BUB3: variants seen among roughly 807,000 people sequenced by gnomAD.
BUB3 encodes the protein mitotic checkpoint protein BUB3.
A neutral mutation model predicts 39.9 loss-of-function variants in BUB3; 22 were observed. The ratio of observed to expected loss-of-function variants is 0.55; its 90% CI spans 0.39 to 0.79. The LOEUF (loss-of-function observed/expected upper bound fraction) is 0.79. BUB3 is among the 30% of genes least tolerant of loss of function. The pLI, the probability that BUB3 is intolerant of heterozygous loss-of-function variation, is 0.00. For synonymous variants in BUB3, 168 were observed against 155.1 expected (o/e 1.08, Z -0.62); for missense variants, 303 against 415.4 (o/e 0.73, Z 2.35).
rs1844465712 is a variant in BUB3 at position 123,164,657 on chromosome 10, T to G, written c.*822T>G. ...TCTCTAAATGAATTTTTGGAAACATTAATGAGGTTTACATATTTCTCTGAC... is the reference window on the plus strand; with the variant it reads ...TCTCTAAATGAATTTTTGGAAACATGAATGAGGTTTACATATTTCTCTGAC... On this transcript the variant is annotated 3_prime_UTR_variant, in exon 8 of 8. Coordinates refer to ENST00000368865, the MANE Select transcript of BUB3 (RefSeq NM_004725.4). 1.0e-6 allele frequency: 1 copy of G among 998,976 alleles called. No homozygotes were observed. Among genetic ancestry groups the G allele is most frequent in the Non-Finnish European group, 1.2e-6 (1 of 838,916 alleles). The allele number at this position is 998,976 out of a possible 1,614,324, so 61.9% of individuals were successfully genotyped here. A position where few individuals can be genotyped will look rare whatever the true frequency, so the allele number is the denominator to read the frequency against.
At chr10:123,162,152 T>TAA in intron 5 of BUB3, 84 bp from the exon 6 acceptor site, 1 of 1,197,202 alleles carries the variant, frequency 8.4e-7, no homozygotes, top group Non-Finnish European at 1.2e-6. Context: ...AATCACTCTT[T>TAA]AGTGTGGGTT....
intron 7 of BUB3, among the ~76,000 whole-genome samples, chr10:123,163,428 G>C (rs2133571215): frequency 6.6e-6 from 1 of 152,212 alleles, no homozygotes; most frequent in Non-Finnish European, 1.5e-5. Flanking sequence ...CCTCTACCAG[G>C]CTTTAAGGGA....
chr10:123,159,840 A>T (rs1050384892), intron 4 of BUB3, among the ~76,000 whole-genome samples: 2 of 152,218 alleles, frequency 1.3e-5, no homozygotes, highest in Admixed American at 6.5e-5. Flanking sequence ...GCTGCTAAAC[A>T]TCTAATTAGT....
chr10:123,160,440 A>G lies in BUB3; in HGVS notation c.451A>G (p.Ile151Val). The change falls in exon 5 of 8, where the codon ATT becomes GTT. Residue 151 changes from isoleucine (I) to valine (V), a missense_variant. Physicochemically the swap from Ile to Val is conservative, Grantham distance 29. This residue lies in a region of BUB3 where 182 missense variants were observed against 293.1 expected (regional missense o/e 0.62). Transcript: ENST00000368865. Reference protein sequence around the residue: ...YTLSVSGDRLIVGTAGRRVLV... With the variant: ...YTLSVSGDRLVVGTAGRRVLV... ...CCTCTCAGTGTCTGGAGACCGGCTGATTGTGGGAACAGCAGGCCGCAGAGT... is the reference window on the plus strand; with the variant it reads ...CCTCTCAGTGTCTGGAGACCGGCTGGTTGTGGGAACAGCAGGCCGCAGAGT... The G allele has an allele frequency of 1.2e-6, 2 of 1,611,946 alleles. No individual in the cohort carries two copies. Among genetic ancestry groups the G allele is most frequent in the South Asian group, 1.1e-5 (1 of 90,688 alleles).
chr10:123,155,526 TG>T, intron 2 of BUB3, 131 bp from the exon 3 acceptor site: 1 of 788,498 alleles, frequency 1.3e-6, no homozygotes, highest in South Asian at 1.7e-5. Flanking sequence ...TGCTGTTTTT[TG>T]GTTTGTTTAC....
In BUB3 at chr10:123,157,949, T is replaced by G. The variant is rs555630197; in HGVS notation, c.417+69T>G. ...GATTTTTGTCTTGGTGCATGATTGT[T>G]GACTATGCTTGTTGAATTTAAAGGT... On this transcript the variant is annotated intron_variant, in intron 4 of 7. Coordinates refer to ENST00000368865, the MANE Select transcript of BUB3 (RefSeq NM_004725.4). The G allele has an allele frequency of 6.3e-6, 9 of 1,422,598 alleles. No individual in the cohort carries two copies. In the Admixed American group the frequency reaches 2.2e-4, roughly 34 times the overall value. The allele number at this position is 1,422,598 out of a possible 1,614,324, so 88.1% of individuals were successfully genotyped here.
chr10:123,155,395 C>T (rs894919615), intron 2 of BUB3, among the ~76,000 whole-genome samples: 2 of 152,110 alleles, frequency 1.3e-5, no homozygotes, highest in East Asian at 1.9e-4. Flanking sequence ...TTTTGGCTGC[C>T]GTATTGAAAG....
chr10:123,154,810 G>T, intron 1 of BUB3, 108 bp from the exon 2 acceptor site: 1 of 1,211,846 alleles, frequency 8.3e-7, no homozygotes. Context: ...GAGTCTCCTC[G>T]CGGTCGTCCT....
chr10:123,154,575 T>C, intron 1 of BUB3, 90 bp downstream of exon 1: 1 of 207,650 alleles, frequency 4.8e-6, no homozygotes, highest in Non-Finnish European at 9.6e-6. Context: ...TCGCAGGGGA[T>C]CCCGTTTCGT....
Position 123,165,222 on chromosome 10 carries a change from G to T in BUB3, c.*1387G>T. On this transcript the variant is annotated 3_prime_UTR_variant, in exon 8 of 8. Transcript: ENST00000368865. ...ACTTTGTTTAGGATGAGGAGTCTTT[G>T]TGTCCCTGTACAGTAGTCTGACGTA... 1 of 754,132 alleles carries T rather than the reference G, an allele frequency of 1.3e-6. No homozygotes were observed. Among genetic ancestry groups the T allele is most frequent in the African/African-American group, 1.7e-5 (1 of 57,360 alleles). 46.7% of individuals were successfully genotyped at this position (754,132 alleles called of 1,614,324 possible).
intron 5 of BUB3, among the ~76,000 whole-genome samples, chr10:123,161,594 AAATC>A (rs1339594323): frequency 6.6e-6 from 1 of 152,148 alleles, no homozygotes; most frequent in Non-Finnish European, 1.5e-5. Flanking sequence ...TTTCAGGAAT[AAATC>A]TTTTTCATAC....
At chr10:123,154,628 G>A (rs1292346463) in intron 1 of BUB3, 143 bp downstream of exon 1, 1 of 342,588 alleles carries the variant, frequency 2.9e-6, no homozygotes, top group Admixed American at 4.9e-5. Flanking sequence ...CCGGGGCGAC[G>A]GGACCCCGGG....
In BUB3 at chr10:123,155,686, T is replaced by C; in HGVS notation, c.224T>C (p.Leu75Pro). The C allele has an allele frequency of 6.2e-7, 1 of 1,614,156 alleles. No individual in the cohort carries two copies. The highest frequency in any genetic ancestry group is 8.5e-7 in the Non-Finnish European group (1 of 1,179,994). The change falls in exon 3 of 8, where the codon CTA becomes CCA. Residue 75 changes from leucine to proline, a missense_variant. By Grantham distance (98) the Leu-to-Pro change is moderately conservative. Around this residue, in one of 2 missense-constraint regions of BUB3, gnomAD observed 121 missense variants for 122.3 expected, o/e 0.99. Transcript: ENST00000368865. ...YDPTHAWSGG[L>P]DHQLKMHDLN... ...CCAACGCATGCCTGGAGTGGAGGAC[T>C]AGATCATCAATTGAAAATGCATGAT...
Position 123,155,085 on chromosome 10 carries a change from C to G in BUB3, c.168C>G (p.Thr56=), listed in dbSNP as rs1448309094. 1 of 1,614,054 alleles carries G rather than the reference C, an allele frequency of 6.2e-7. No homozygotes were observed. Among genetic ancestry groups the G allele is most frequent in the East Asian group, 2.2e-5 (1 of 44,882 alleles). Residue 56 remains threonine, a synonymous_variant, in exon 2 of 8, where the codon ACC becomes ACG. Coordinates refer to ENST00000368865, the MANE Select transcript of BUB3 (RefSeq NM_004725.4). ...ANSMRLKYQH[T]GAVLDCAFYD... ...CCATGCGGCTCAAGTACCAGCACAC[C>G]GGCGCCGTCCTGGACTGCGCCTTCT...
In BUB3 at chr10:123,165,040, A is replaced by G. The variant is rs759900033; in HGVS notation, c.*1205A>G. 5 of 1,612,266 alleles carry G rather than the reference A, an allele frequency of 3.1e-6. No homozygotes were observed. The highest frequency in any genetic ancestry group is 1.7e-6 in the Non-Finnish European group (2 of 1,179,606). On this transcript the variant is annotated 3_prime_UTR_variant, in exon 8 of 8. Coordinates refer to ENST00000368865, the MANE Select transcript of BUB3 (RefSeq NM_004725.4). ...CCATCTTTTGAAATGTATTTTCTTC[A>G]TTGCAGGTCCACCTAATCATCCTGT...
chr10:123,157,617 G>A, intron 3 of BUB3, 112 bp from the exon 4 acceptor site: 7 of 1,286,212 alleles, frequency 5.4e-6, no homozygotes, highest in Non-Finnish European at 6.3e-6. Context: ...GTTGGATGAG[G>A]CAAATTCATT....
In BUB3 at chr10:123,167,515, C is replaced by T. The variant is rs1337709064; in HGVS notation, c.*3680C>T. 6.6e-6 allele frequency: 1 copy of T among 152,178 alleles called. No individual in the cohort carries two copies. Among genetic ancestry groups the T allele is most frequent in the East Asian group, 1.9e-4 (1 of 5,196 alleles). 9.4% of individuals were successfully genotyped at this position (152,178 alleles called of 1,614,324 possible). On this transcript the variant is annotated 3_prime_UTR_variant, in exon 8 of 8. Transcript: ENST00000368865. The stretch of plus-strand genomic sequence containing the variant: ...CCTACTTAAAGCAAGAGCAGGACCA[C>T]ATCTTTTTGTATGCTCTGGCACATG...
chr10:123,160,179 A>G (rs1273098660), intron 4 of BUB3, among the ~76,000 whole-genome samples: 2 of 152,206 alleles, frequency 1.3e-5, no homozygotes, highest in Non-Finnish European at 2.9e-5. Context: ...ATTACTTAGA[A>G]TGTACATTAT....
chr10:123,164,748 AATT>A lies in BUB3; in HGVS notation c.*916_*918del. 1 of 1,118,522 alleles carries A rather than the reference AATT, an allele frequency of 8.9e-7. No homozygotes were observed. The highest frequency in any genetic ancestry group is 1.1e-6 in the Non-Finnish European group (1 of 916,128). 69.3% of individuals were successfully genotyped at this position (1,118,522 alleles called of 1,614,324 possible). ...TGGTGATTAAAGTTAAAAAGAAAAA[AATT>A]ATAGTGAGAATGAGATTCATTTCAA... On this transcript the variant is annotated 3_prime_UTR_variant, in exon 8 of 8. Transcript: ENST00000368865.
Sources: allele counts gnomAD v4.1 joint callset (sites outside exome capture counted in the v4.1 genomes callset), GRCh38; gene constraint gnomAD v4.1.1; regional missense constraint gnomAD v4.1.1; transcripts MANE v1.5; gene names NCBI Gene and HGNC (gene_info 2026-07-23, HGNC 2026-07-21).